GATAD2B: variants seen among roughly 807,000 people sequenced by gnomAD.
GATAD2B encodes transcriptional repressor p66-beta.
GATAD2B carries 8 observed loss-of-function variants against 64.3 expected under a neutral mutation model. The observed-to-expected ratio is 0.12, with a 90% confidence interval of 0.07 to 0.22. The LOEUF (loss-of-function observed/expected upper bound fraction) is 0.22, where lower values mean the gene tolerates loss of function less well. Among genes scored for constraint, GATAD2B ranks in the 10% least tolerant of loss-of-function variants. The pLI is 1.00. For synonymous variants in GATAD2B, 281 were observed against 271.3 expected, an observed-to-expected ratio of 1.04 and a Z score of -0.35; for missense variants, 453 against 752.0, an observed-to-expected ratio of 0.60 and a Z score of 4.65.
Position 153,806,395 on chromosome 1 carries a change from G to A in GATAD2B, c.*3782C>T, listed in dbSNP as rs1248058151. On this transcript the variant is annotated 3_prime_UTR_variant, in exon 11 of 11. Coordinates refer to ENST00000368655, the MANE Select transcript of GATAD2B (RefSeq NM_020699.4). ...AAATTAGGGGTGGGTGGTGGGGGAG[G>A]TGGCATCTCTAAGGAGGGATGGGGT... The A allele has an allele frequency of 6.7e-6, 1 of 150,186 alleles. No homozygotes were observed. 9.3% of individuals were successfully genotyped at this position (150,186 alleles called of 1,614,324 possible). A position where few individuals can be genotyped will look rare whatever the true frequency, so the allele number is the denominator to read the frequency against.
chr1:153,900,637 T>G (rs1359132255), intron 1 of GATAD2B, among the ~76,000 whole-genome samples: 2 of 152,018 alleles, frequency 1.3e-5, no homozygotes, highest in African/African-American at 4.8e-5. Context: ...CACCTTAGCC[T>G]CTCCCAAGTA....
At chr1:153,898,317 AAAAAAAGAAAAAAAG>A (rs1397925003) in intron 1 of GATAD2B, among the ~76,000 whole-genome samples, 61 of 150,342 alleles carry the variant, frequency 4.1e-4, no homozygotes, top group African/African-American at 1.4e-3. Context: ...AAAAAAAAAA[AAAAAAAGAAAAAAAG>A]AAAAAAGAAA....
intron 1 of GATAD2B, among the ~76,000 whole-genome samples, chr1:153,888,687 A>C (rs1008060011): frequency 6.6e-6 from 1 of 152,198 alleles, no homozygotes; most frequent in Non-Finnish European, 1.5e-5. Context: ...AGTCACGTTT[A>C]TCTCTTTTGC....
At chr1:153,844,361 T>C (rs538241085) in intron 1 of GATAD2B, among the ~76,000 whole-genome samples, 29 of 149,782 alleles carry the variant, frequency 1.9e-4, no homozygotes, top group African/African-American at 5.9e-4. Context: ...ACCTTAGCAC[T>C]AGGGAATTTT....
intron 1 of GATAD2B, among the ~76,000 whole-genome samples, chr1:153,901,978 C>CAAAAAAA (rs35731326): frequency 1.1e-5 from 1 of 92,380 alleles, no homozygotes; most frequent in Non-Finnish European, 2.2e-5. Context: ...GACTCCGTCT[C>CAAAAAAA]AAAAAAAAAA....
chr1:153,822,787 G>A (rs1373761586), intron 2 of GATAD2B, among the ~76,000 whole-genome samples: 5 of 151,954 alleles, frequency 3.3e-5, no homozygotes, highest in Admixed American at 1.3e-4. Context: ...ATGAGCCACC[G>A]CGTCCAGCCT....
intron 1 of GATAD2B, among the ~76,000 whole-genome samples, chr1:153,921,087 T>C (rs1007487498): frequency 2.6e-5 from 4 of 152,164 alleles, no homozygotes; most frequent in East Asian, 3.9e-4. Context: ...ACAGAAATAC[T>C]ACTCTAGGAC....
chr1:153,907,640 T>A (rs1349021409), intron 1 of GATAD2B, among the ~76,000 whole-genome samples: 1 of 150,560 alleles, frequency 6.6e-6, no homozygotes, highest in African/African-American at 2.4e-5. Context: ...AGGGTAAATT[T>A]TTTTTTTTTT....
intron 1 of GATAD2B, among the ~76,000 whole-genome samples, chr1:153,838,774 G>A (rs947436693): frequency 1.3e-5 from 2 of 152,172 alleles, no homozygotes; most frequent in African/African-American, 4.8e-5. Flanking sequence ...GCCTTTGGGT[G>A]AATTTTCTCT....
intron 1 of GATAD2B, among the ~76,000 whole-genome samples, chr1:153,883,535 A>G (rs1433270863): frequency 6.6e-6 from 1 of 152,196 alleles, no homozygotes; most frequent in African/African-American, 2.4e-5. Flanking sequence ...AGCAAAATAG[A>G]TTATTTCTTC....
At chr1:153,836,595 T>C (rs1271632391) in intron 1 of GATAD2B, among the ~76,000 whole-genome samples, 3 of 130,254 alleles carry the variant, frequency 2.3e-5, no homozygotes, top group Admixed American at 1.6e-4. Flanking sequence ...AGTGGGAAGA[T>C]CATTTGAGCC....
chr1:153,909,916 C>A (rs1678064088), intron 1 of GATAD2B, among the ~76,000 whole-genome samples: 1 of 150,272 alleles, frequency 6.7e-6, no homozygotes, highest in Admixed American at 6.7e-5. Flanking sequence ...CCACTGCACT[C>A]CAGCCTGGGC....
chr1:153,876,105 G>A (rs1676819520), intron 1 of GATAD2B, among the ~76,000 whole-genome samples: 1 of 151,884 alleles, frequency 6.6e-6, no homozygotes, highest in African/African-American at 2.4e-5. Flanking sequence ...GCGCATGCCT[G>A]TAGTCCCAGC....
At chr1:153,846,120 T>C (rs964168883) in intron 1 of GATAD2B, among the ~76,000 whole-genome samples, 2 of 152,194 alleles carry the variant, frequency 1.3e-5, no homozygotes, top group Non-Finnish European at 2.9e-5. Flanking sequence ...AATTTGTTTT[T>C]CCATTAAACC....
chr1:153,846,557 C>CTTTTTTT (rs887230575), intron 1 of GATAD2B, among the ~76,000 whole-genome samples: 9 of 113,874 alleles, frequency 7.9e-5, no homozygotes, highest in African/African-American at 1.1e-4. Flanking sequence ...TCTTTGCGTT[C>CTTTTTTT]TTTTTTTTTT....
chr1:153,818,643 T>C, intron 4 of GATAD2B, 148 bp downstream of exon 4: 1 of 685,690 alleles, frequency 1.5e-6, no homozygotes, highest in Non-Finnish European at 2.4e-6. Flanking sequence ...AGGCCTAAGA[T>C]TAAAAAAAAA....
At chr1:153,873,954 GGAAA>G (rs983973894) in intron 1 of GATAD2B, among the ~76,000 whole-genome samples, 5 of 148,680 alleles carry the variant, frequency 3.4e-5, no homozygotes, top group African/African-American at 7.5e-5. Context: ...AAAGGAAAGA[GGAAA>G]GAAAGAAAGG....
chr1:153,840,064 C>T (rs1410258594), intron 1 of GATAD2B, among the ~76,000 whole-genome samples: 1 of 130,850 alleles, frequency 7.6e-6, no homozygotes, highest in African/African-American at 2.9e-5. Context: ...CGGAGTCTCA[C>T]TCTTGTTGCC....
intron 1 of GATAD2B, among the ~76,000 whole-genome samples, chr1:153,888,792 G>T (rs1449954205): frequency 1.3e-5 from 2 of 152,128 alleles, no homozygotes; most frequent in African/African-American, 4.8e-5. Context: ...CGTTCCAAGA[G>T]TAGAAATCCC....
Sources: gnomAD v4.1 joint callset for allele counts (sites outside exome capture counted in the v4.1 genomes callset) on GRCh38, gnomAD v4.1.1 for gene constraint, MANE v1.5 for transcripts, NCBI Gene and HGNC (gene_info 2026-07-23, HGNC 2026-07-21) for gene names.